PTPRT: variants seen among roughly 807,000 people sequenced by gnomAD.
PTPRT encodes protein tyrosine phosphatase receptor type T, also known as receptor-type tyrosine-protein phosphatase T.
In PTPRT, 56 loss-of-function variants were observed where a neutral mutation model predicts 176.8. The observed-to-expected ratio is 0.32, with a 90% confidence interval of 0.26 to 0.40. The LOEUF (loss-of-function observed/expected upper bound fraction) is 0.40, where lower values mean the gene tolerates loss of function less well. Ranked by LOEUF, PTPRT falls within the 10% of genes least tolerant of loss-of-function variation. PTPRT has a pLI of 1.00. For synonymous variants in PTPRT, 783 were observed against 739.0 expected, an observed-to-expected ratio of 1.06 and a Z score of -0.96; for missense variants, 1,540 against 1,908.2, an observed-to-expected ratio of 0.81 and a Z score of 3.60.
intron 7 of PTPRT, among the ~76,000 whole-genome samples, chr20:42,538,302 C>T (rs948035974): frequency 1.3e-5 from 2 of 152,094 alleles, no homozygotes; most frequent in Admixed American, 6.5e-5. Context: ...GTTCCTTTTC[C>T]AAGTCTTCTC....
At chr20:42,034,322 A>G in the PTPRT span, among the ~76,000 whole-genome samples, 1 of 152,164 alleles carries the variant, frequency 6.6e-6, no homozygotes, top group South Asian at 2.1e-4. Context: ...TCAGTTCCTG[A>G]CCATTGTGGA....
At chr20:42,406,074 G>T (rs550380269) in intron 9 of PTPRT, among the ~76,000 whole-genome samples, 1 of 151,998 alleles carries the variant, frequency 6.6e-6, no homozygotes, top group African/African-American at 2.4e-5. Flanking sequence ...ACACGTGGAG[G>T]CAGCTAGGGA....
chr20:42,547,640 T>C (rs893288800), intron 7 of PTPRT, among the ~76,000 whole-genome samples: 2 of 152,014 alleles, frequency 1.3e-5, no homozygotes, highest in Admixed American at 1.3e-4. Flanking sequence ...CTAAAACCTA[T>C]AGTAAATAGT....
chr20:42,054,608 G>T, the PTPRT span, among the ~76,000 whole-genome samples: 2 of 152,176 alleles, frequency 1.3e-5, no homozygotes, highest in Admixed American at 1.3e-4. Flanking sequence ...GGGGCCCCTT[G>T]TAGGGTCTAA....
At chr20:42,848,430 T>C (rs1160120279) in intron 2 of PTPRT, among the ~76,000 whole-genome samples, 2 of 152,216 alleles carry the variant, frequency 1.3e-5, no homozygotes, top group African/African-American at 2.4e-5. Flanking sequence ...CTAGTTTACA[T>C]TCCCACCAGC....
intron 8 of PTPRT, among the ~76,000 whole-genome samples, chr20:42,464,875 C>T (rs1601075496): frequency 6.6e-6 from 1 of 152,174 alleles, no homozygotes; most frequent in Non-Finnish European, 1.5e-5. Context: ...TTCTAGCTTA[C>T]TGTGACCTGA....
intron 1 of PTPRT, among the ~76,000 whole-genome samples, chr20:42,925,279 C>T (rs965510593): frequency 6.6e-6 from 1 of 152,120 alleles, no homozygotes; most frequent in African/African-American, 2.4e-5. Context: ...CGTATCACTA[C>T]CAAAATGAAA....
chr20:42,192,752 A>G (rs533740515), intron 16 of PTPRT, among the ~76,000 whole-genome samples: 4 of 152,200 alleles, frequency 2.6e-5, no homozygotes, highest in Non-Finnish European at 5.9e-5. Flanking sequence ...GCTCTCTGTT[A>G]GGCAGGGGCC....
At chr20:42,051,607 A>AC in the PTPRT span, among the ~76,000 whole-genome samples, 2 of 152,072 alleles carry the variant, frequency 1.3e-5, no homozygotes, top group Non-Finnish European at 2.9e-5. Context: ...TGGTTGTCAG[A>AC]CCCCCATGGG....
chr20:42,376,435 G>A (rs558841461), intron 9 of PTPRT, among the ~76,000 whole-genome samples: 2 of 152,160 alleles, frequency 1.3e-5, no homozygotes, highest in Non-Finnish European at 2.9e-5. Flanking sequence ...GCTCCATTGC[G>A]GAGACATGTC....
At chr20:42,441,685 T>C (rs1173922384) in intron 9 of PTPRT, among the ~76,000 whole-genome samples, 1 of 152,172 alleles carries the variant, frequency 6.6e-6, no homozygotes, top group Admixed American at 6.5e-5. Context: ...GATGGTGCCA[T>C]GCGGCCTGAC....
At chr20:42,094,920 G>A (rs118127965) in intron 27 of PTPRT, among the ~76,000 whole-genome samples, 2,083 of 152,268 alleles carry the variant, frequency 0.014, 21 homozygotes, top group Non-Finnish European at 0.021. Flanking sequence ...GTGTCACTGT[G>A]TTGTCCAGGA....
intron 1 of PTPRT, among the ~76,000 whole-genome samples, chr20:42,893,057 T>G (rs1370148310): frequency 6.6e-6 from 1 of 151,976 alleles, no homozygotes; most frequent in Non-Finnish European, 1.5e-5. Context: ...TTTAAGAAAC[T>G]ACCATCAGAG....
rs146157356 is a variant in PTPRT at position 42,174,575 on chromosome 20, C to T, written c.2492-13033G>A. Among the ~76,000 whole-genome samples, 422 of 152,234 alleles carry T rather than the reference C, an allele frequency of 2.8e-3. 2 individuals carry two copies. The highest frequency in any genetic ancestry group is 9.3e-3 in the African/African-American group (386 of 41,538). The stretch of plus-strand genomic sequence containing the variant: ...GGTGAACTTATCCTCAAAGTGGGGC[C>T]CTGTGTTGACAGGGACTGCCAGCAA... On this transcript the variant is annotated intron_variant, in intron 16 of 30. Transcript: ENST00000373187.
intron 7 of PTPRT, among the ~76,000 whole-genome samples, chr20:42,553,759 G>C (rs2072811703): frequency 6.6e-6 from 1 of 152,080 alleles, no homozygotes; most frequent in Non-Finnish European, 1.5e-5. Context: ...TCCAGTCACG[G>C]GGCAGCCAGG....
intron 1 of PTPRT, among the ~76,000 whole-genome samples, chr20:42,894,380 G>C (rs1367245301): frequency 6.6e-6 from 1 of 152,172 alleles, no homozygotes; most frequent in Non-Finnish European, 1.5e-5. Context: ...AGATCTGAGA[G>C]ATAGTCAAGA....
At chr20:42,346,555 T>TA (rs1262030630) in intron 11 of PTPRT, among the ~76,000 whole-genome samples, 3 of 152,102 alleles carry the variant, frequency 2.0e-5, no homozygotes, top group Non-Finnish European at 2.9e-5. Flanking sequence ...TGTGGAGTGT[T>TA]AGAAAAATAG....
At chr20:42,087,133 A>G (rs1984049177) in intron 27 of PTPRT, among the ~76,000 whole-genome samples, 1 of 151,842 alleles carries the variant, frequency 6.6e-6, no homozygotes, top group Non-Finnish European at 1.5e-5. Context: ...GCTACTCAAC[A>G]TCCTGCAGTG....
intron 7 of PTPRT, among the ~76,000 whole-genome samples, chr20:42,527,154 G>A (rs2072289744): frequency 6.6e-6 from 1 of 151,632 alleles, no homozygotes; most frequent in South Asian, 2.1e-4. Context: ...TAGTAGAGAC[G>A]GGGTTTCACC....
Sources: allele counts gnomAD v4.1 joint callset (sites outside exome capture counted in the v4.1 genomes callset), GRCh38; gene constraint gnomAD v4.1.1; transcripts MANE v1.5; gene names NCBI Gene and HGNC (gene_info 2026-07-23, HGNC 2026-07-21).